The following HTT-AS variants were observed in gnomAD, a reference collection of about 807,000 sequenced individuals.
HTT-AS encodes the protein HTT antisense RNA (head to head).
exon 2 of HTT-AS, among the ~76,000 whole-genome samples, chr4:3,062,702 G>A (rs1311569704): frequency 6.6e-6 from 1 of 151,788 alleles, no homozygotes; most frequent in African/African-American, 2.4e-5. Context: ...GGTAAGTGCG[G>A]TTCTCTGGAC....
chr4:3,047,553 T>C (rs372766534), downstream of HTT-AS, among the ~76,000 whole-genome samples: 62 of 152,294 alleles, frequency 4.1e-4, no homozygotes, highest in South Asian at 8.3e-3. Context: ...TCTGTCACGC[T>C]CAGACAGGGC....
At chr4:3,061,053 T>C (rs2471332) in intron 2 of HTT-AS, among the ~76,000 whole-genome samples, 7,390 of 152,248 alleles carry the variant, frequency 0.049, 389 homozygotes, top group African/African-American at 0.14. Flanking sequence ...AGCTCCACTC[T>C]TAACCCCACT....
At chr4:3,050,924 T>C (rs993073864) in intron 2 of HTT-AS, among the ~76,000 whole-genome samples, 2 of 152,194 alleles carry the variant, frequency 1.3e-5, no homozygotes, top group African/African-American at 4.8e-5. Flanking sequence ...AATTTGATTT[T>C]GGGAAGCCTA....
At chr4:3,063,208 A>G (rs1320878008) in exon 2 of HTT-AS, among the ~76,000 whole-genome samples, 1 of 152,234 alleles carries the variant, frequency 6.6e-6, no homozygotes, top group Non-Finnish European at 1.5e-5. Flanking sequence ...GATATGGATC[A>G]GGGATCAGCA....
At chr4:3,055,670 C>T (rs778962050) in intron 2 of HTT-AS, among the ~76,000 whole-genome samples, 9 of 152,268 alleles carry the variant, frequency 5.9e-5, no homozygotes, top group East Asian at 1.9e-4. Flanking sequence ...CCCAGTTTTC[C>T]GGAAATTAAG....
intron 1 of HTT-AS, among the ~76,000 whole-genome samples, chr4:3,068,441 A>C (rs1712098358): frequency 6.6e-6 from 1 of 152,048 alleles, no homozygotes; most frequent in African/African-American, 2.4e-5. Flanking sequence ...TCCTGATTGA[A>C]CTGGAAAGAT....
downstream of HTT-AS, among the ~76,000 whole-genome samples, chr4:3,048,042 A>T (rs764626010): frequency 2.6e-5 from 4 of 152,074 alleles, no homozygotes; most frequent in Non-Finnish European, 5.9e-5. Flanking sequence ...TCTTGTATCC[A>T]ATAAGTAACA....
At chr4:3,049,393 C>T (rs1423410331) in exon 3 of HTT-AS, among the ~76,000 whole-genome samples, 1 of 151,906 alleles carries the variant, frequency 6.6e-6, no homozygotes, top group Non-Finnish European at 1.5e-5. Flanking sequence ...CACCGCACTC[C>T]AGCCTGGGTG....
chr4:3,061,853 G>T (rs1711931820), intron 2 of HTT-AS, among the ~76,000 whole-genome samples: 1 of 151,422 alleles, frequency 6.6e-6, no homozygotes, highest in Admixed American at 6.6e-5. Flanking sequence ...GTGGTGGCGA[G>T]CACCTGTAGT....
At position 3,061,238 on chromosome 4, in the gene HTT-AS, C is replaced by T. The variant is rs116208919; in HGVS notation, n.1380+1196G>A. Among the ~76,000 whole-genome samples the T allele has an allele frequency of 7.0e-3, 1,062 of 152,254 alleles. 11 individuals carry two copies. The highest frequency in any genetic ancestry group is 0.024 in the African/African-American group (995 of 41,544). ...TTATACATTTTAGGGAGACATGAGACGTCAATTCATATATGTAAGAAGTAC... is the reference window on the plus strand; with the variant it reads ...TTATACATTTTAGGGAGACATGAGATGTCAATTCATATATGTAAGAAGTAC... On this transcript the variant is annotated intron_variant and non_coding_transcript_variant, in intron 2 of 2. Coordinates refer to ENST00000664062, the Ensembl canonical transcript of HTT-AS.
intron 2 of HTT-AS, among the ~76,000 whole-genome samples, chr4:3,062,118 G>A (rs1404248031): frequency 2.6e-5 from 4 of 151,814 alleles, no homozygotes; most frequent in African/African-American, 9.7e-5. Flanking sequence ...TGATTTGGGG[G>A]CTCAAGGTAT....
intron 1 of HTT-AS, among the ~76,000 whole-genome samples, chr4:3,073,770 C>T (rs1380081950): frequency 6.6e-6 from 1 of 152,182 alleles, no homozygotes; most frequent in Non-Finnish European, 1.5e-5. Flanking sequence ...GCCGACCACG[C>T]GCATTCTCTG....
chr4:3,066,792 T>C (rs562945318), intron 1 of HTT-AS, among the ~76,000 whole-genome samples: 2 of 152,310 alleles, frequency 1.3e-5, no homozygotes, highest in South Asian at 4.1e-4. Context: ...AATGACTCTC[T>C]AATAAATTTC....
At chr4:3,055,634 A>T (rs1314470580) in intron 2 of HTT-AS, among the ~76,000 whole-genome samples, 1 of 152,208 alleles carries the variant, frequency 6.6e-6, no homozygotes, top group Non-Finnish European at 1.5e-5. Context: ...ACCACTTTCC[A>T]TGCCTAACGT....
intron 2 of HTT-AS, among the ~76,000 whole-genome samples, chr4:3,055,040 G>C (rs889278368): frequency 6.6e-6 from 1 of 151,978 alleles, no homozygotes; most frequent in Non-Finnish European, 1.5e-5. Flanking sequence ...GCACTGTTCT[G>C]CTCTTTCACA....
intron 2 of HTT-AS, among the ~76,000 whole-genome samples, chr4:3,054,319 T>A (rs1169186324): frequency 2.6e-5 from 4 of 151,960 alleles, no homozygotes; most frequent in Non-Finnish European, 5.9e-5. Context: ...AGTGAGAAAG[T>A]CCAACCATGC....
chr4:3,071,532 C>G (rs1291940379), intron 1 of HTT-AS, among the ~76,000 whole-genome samples: 2 of 152,162 alleles, frequency 1.3e-5, no homozygotes. Flanking sequence ...CTGTCATACA[C>G]TAGCTAAGAG....
intron 1 of HTT-AS, among the ~76,000 whole-genome samples, chr4:3,071,989 A>C (rs1317095614): frequency 2.0e-5 from 3 of 152,228 alleles, no homozygotes; most frequent in Non-Finnish European, 4.4e-5. Flanking sequence ...AAATACAGTC[A>C]TCTGCTGCTG....
intron 1 of HTT-AS, among the ~76,000 whole-genome samples, chr4:3,071,688 G>C (rs984615136): frequency 6.6e-6 from 1 of 152,132 alleles, no homozygotes; most frequent in Non-Finnish European, 1.5e-5. Flanking sequence ...GATTGTATTT[G>C]GAGACAGGTT....
Sources: gnomAD v4.1 joint callset for allele counts (sites outside exome capture counted in the v4.1 genomes callset) on GRCh38, gnomAD v4.1.1 for gene constraint, MANE v1.5 for transcripts, NCBI Gene and HGNC (gene_info 2026-07-23, HGNC 2026-07-21) for gene names.